Variants in ERC2 observed in about 807,000 individuals in gnomAD.
ERC2 encodes ELKS/RAB6-interacting/CAST family member 2, also known as ERC protein 2.
Under a neutral mutation model 114.8 loss-of-function variants are expected in ERC2, and 42 were observed. That is an observed-to-expected ratio of 0.37 (90% CI 0.29 to 0.47). ERC2 has a LOEUF of 0.47. ERC2 is among the 20% of genes least tolerant of loss of function. The pLI is 0.99. For missense variants in ERC2, 939 were observed against 1,150.7 expected (o/e 0.82, Z 2.66); for synonymous variants, 454 against 425.5 (o/e 1.07, Z -0.82).
chr3:55,856,783 G>A (rs1032239886), intron 14 of ERC2, among the ~76,000 whole-genome samples: 3 of 152,258 alleles, frequency 2.0e-5, no homozygotes, highest in African/African-American at 7.2e-5. Flanking sequence ...CCATCAGCTA[G>A]TGAATAAACA....
intron 7 of ERC2, among the ~76,000 whole-genome samples, chr3:56,077,902 T>G (rs2077048873): frequency 6.6e-6 from 1 of 152,184 alleles, no homozygotes. Context: ...CAAAAGTAAG[T>G]AAACAGTGCA....
intron 8 of ERC2, among the ~76,000 whole-genome samples, chr3:56,014,388 G>A (rs1454214793): frequency 6.6e-6 from 1 of 152,102 alleles, no homozygotes; most frequent in Admixed American, 6.6e-5. Context: ...TGAGATTGCA[G>A]ATCAGCAAAC....
chr3:55,678,046 GC>G (rs2061894252), intron 17 of ERC2, among the ~76,000 whole-genome samples: 1 of 152,164 alleles, frequency 6.6e-6, no homozygotes, highest in Non-Finnish European at 1.5e-5. Flanking sequence ...CTAAACAGCA[GC>G]TTTGTAAGCC....
At chr3:56,203,402 T>G (rs1035287147) in intron 3 of ERC2, among the ~76,000 whole-genome samples, 11 of 152,242 alleles carry the variant, frequency 7.2e-5, no homozygotes, top group Non-Finnish European at 1.5e-5. Flanking sequence ...TTACTCATGC[T>G]GATTAAGGCA....
At chr3:56,369,332 C>T (rs1414559372) in intron 2 of ERC2, among the ~76,000 whole-genome samples, 1 of 152,210 alleles carries the variant, frequency 6.6e-6, no homozygotes, top group African/African-American at 2.4e-5. Context: ...TAAAATCCTC[C>T]AGGCAATTCC....
chr3:56,397,173 A>C (rs960458099), intron 2 of ERC2, among the ~76,000 whole-genome samples: 1 of 152,126 alleles, frequency 6.6e-6, no homozygotes, highest in African/African-American at 2.4e-5. Flanking sequence ...TAAAATTCAA[A>C]GAGTACAAAA....
At chr3:55,802,519 A>G (rs1277226766) in intron 14 of ERC2, among the ~76,000 whole-genome samples, 1 of 152,242 alleles carries the variant, frequency 6.6e-6, no homozygotes, top group African/African-American at 2.4e-5. Context: ...GATAAAATTG[A>G]TACATAAAAT....
At chr3:55,780,336 T>C (rs1317051372) in intron 14 of ERC2, among the ~76,000 whole-genome samples, 2 of 152,142 alleles carry the variant, frequency 1.3e-5, no homozygotes, top group African/African-American at 2.4e-5. Context: ...ACTAAAAAAC[T>C]ACTTGAACAA....
At chr3:55,757,791 A>G (rs2067155455) in intron 14 of ERC2, among the ~76,000 whole-genome samples, 1 of 152,188 alleles carries the variant, frequency 6.6e-6, no homozygotes, top group South Asian at 2.1e-4. Context: ...TTATTTATCA[A>G]TAGCTTACAA....
At chr3:55,984,240 C>A (rs145822124) in intron 12 of ERC2, among the ~76,000 whole-genome samples, 1 of 152,108 alleles carries the variant, frequency 6.6e-6, no homozygotes, top group South Asian at 2.1e-4. Flanking sequence ...ATCACCCCTT[C>A]CAGCCCTGTC....
chr3:55,778,233 C>A (rs1487977137), intron 14 of ERC2, among the ~76,000 whole-genome samples: 1 of 152,076 alleles, frequency 6.6e-6, no homozygotes, highest in Admixed American at 6.6e-5. Context: ...TTCCTTAAAT[C>A]CTCAGAGGGC....
intron 17 of ERC2, among the ~76,000 whole-genome samples, chr3:55,551,251 G>A (rs993891100): frequency 2.0e-5 from 3 of 151,744 alleles, no homozygotes; most frequent in South Asian, 2.1e-4. Context: ...TGCTGGGCAC[G>A]GTGGCTCATG....
At chr3:56,390,445 T>C (rs2060088121) in intron 2 of ERC2, among the ~76,000 whole-genome samples, 1 of 152,152 alleles carries the variant, frequency 6.6e-6, no homozygotes, top group African/African-American at 2.4e-5. Flanking sequence ...TTATAAGCGA[T>C]CTAACAGTGA....
At chr3:55,806,021 A>G (rs2059473842) in intron 14 of ERC2, among the ~76,000 whole-genome samples, 1 of 152,154 alleles carries the variant, frequency 6.6e-6, no homozygotes, top group Non-Finnish European at 1.5e-5. Flanking sequence ...CTGAGGAAGG[A>G]AAGCCTGTTA....
At chr3:55,906,094 C>G (rs1291222988) in intron 13 of ERC2, among the ~76,000 whole-genome samples, 1 of 152,170 alleles carries the variant, frequency 6.6e-6, no homozygotes. Context: ...AGGCCTGGCA[C>G]ATGGCTGACA....
At chr3:56,338,751 C>G (rs1369029052) in intron 2 of ERC2, among the ~76,000 whole-genome samples, 1 of 152,164 alleles carries the variant, frequency 6.6e-6, no homozygotes, top group Non-Finnish European at 1.5e-5. Context: ...CCAATCAGGG[C>G]CAAAGTCCTT....
intron 16 of ERC2, among the ~76,000 whole-genome samples, chr3:55,688,555 C>T (rs764737952): frequency 6.6e-5 from 10 of 152,264 alleles, no homozygotes; most frequent in South Asian, 2.1e-4. Flanking sequence ...CTCTAGAGTA[C>T]GTTGAACTTG....
chr3:55,688,020 C>G (rs543309652), intron 16 of ERC2, among the ~76,000 whole-genome samples: 20 of 152,274 alleles, frequency 1.3e-4, no homozygotes, highest in African/African-American at 4.6e-4. Context: ...TCCTGGAATG[C>G]TTAGTCCATG....
chr3:55,607,432 A>G (rs958755525), intron 17 of ERC2, among the ~76,000 whole-genome samples: 1 of 152,084 alleles, frequency 6.6e-6, no homozygotes, highest in Non-Finnish European at 1.5e-5. Context: ...CGAAGGGCTG[A>G]AAGTCCTTTG....
Sources: allele counts gnomAD v4.1 joint callset (sites outside exome capture counted in the v4.1 genomes callset), GRCh38; gene constraint gnomAD v4.1.1; transcripts MANE v1.5; gene names NCBI Gene and HGNC (gene_info 2026-07-23, HGNC 2026-07-21).